NPHP1: variants seen among roughly 807,000 people sequenced by gnomAD.
NPHP1 encodes nephrocystin-1.
A neutral mutation model predicts 90.4 loss-of-function variants in NPHP1; 70 were observed. The ratio of observed to expected loss-of-function variants is 0.77; its 90% CI spans 0.64 to 0.95. The LOEUF (loss-of-function observed/expected upper bound fraction) is 0.95, where lower values mean the gene tolerates loss of function less well. Among genes scored for constraint, NPHP1 ranks in the 40% least tolerant of loss-of-function variants. NPHP1 has a pLI of 0.00. For synonymous variants in NPHP1, 256 were observed against 271.7 expected (o/e 0.94, Z 0.57); for missense variants, 764 against 795.9 (o/e 0.96, Z 0.48).
Position 110,147,907 on chromosome 2 carries a change from C to T in NPHP1, c.1269+9G>A, listed in dbSNP as rs13414551. 3.0e-4 allele frequency: 436 copies of T among 1,437,666 alleles called. 2 individuals are homozygous for T. In the African/African-American group the frequency reaches 3.3e-3, roughly 11 times the overall value. 89.1% of individuals were successfully genotyped at this position (1,437,666 alleles called of 1,614,324 possible). On this transcript the variant is annotated intron_variant, in intron 13 of 19. Coordinates refer to ENST00000445609, the MANE Select transcript of NPHP1 (RefSeq NM_001128178.3). The stretch of plus-strand genomic sequence containing the variant: ...TACATTAGAAAGCCTTATCTTTCAA[C>T]GGACATACATTGCGAATATAAGAAA...
chr2:110,196,374 C>T (rs187599195), intron 2 of NPHP1, among the ~76,000 whole-genome samples: 6,504 of 152,144 alleles, frequency 0.043, 458 homozygotes, highest in African/African-American at 0.15. Context: ...CAAAAGAAGA[C>T]ATTTATGCAG....
chr2:110,181,033 C>T (rs1001041118), intron 2 of NPHP1, among the ~76,000 whole-genome samples: 10 of 152,158 alleles, frequency 6.6e-5, no homozygotes, highest in East Asian at 1.9e-4. Flanking sequence ...AGCATTGTTC[C>T]GTGGGCCCCA....
In NPHP1 at chr2:110,177,890, G is replaced by A. The variant is rs544280423; in HGVS notation, c.329+533C>T. 4.6e-5 allele frequency among the ~76,000 whole-genome samples: 7 copies of A among 152,004 alleles called. No individual in the cohort carries two copies. The South Asian group carries it at 1.5e-3, about 32-fold the overall frequency. ...CCCAAGTAGCTGGGACTACAGGTAC[G>A]TGCCACCAAGCCTGACTAGTTTGGG... On this transcript the variant is annotated intron_variant, in intron 4 of 19. Coordinates refer to ENST00000445609, the MANE Select transcript of NPHP1 (RefSeq NM_001128178.3).
rs1263406223 is a variant in NPHP1 at position 110,131,674 on chromosome 2, C to T, written c.1642+5G>A. On this transcript the variant is annotated splice_donor_5th_base_variant and intron_variant, in intron 17 of 19. Transcript: ENST00000445609. ...GCACATAAGGAAGTGGCAAAGCCCA[C>T]TTACCAGTACTTTGCAAGCTCATCC... The T allele has an allele frequency of 6.3e-7, 1 of 1,581,802 alleles. No individual in the cohort carries two copies. The highest frequency in any genetic ancestry group is 8.7e-7 in the Non-Finnish European group (1 of 1,150,734).
chr2:110,186,282 T>C (rs1164702099), intron 2 of NPHP1, among the ~76,000 whole-genome samples: 1 of 152,190 alleles, frequency 6.6e-6, no homozygotes, highest in African/African-American at 2.4e-5. Flanking sequence ...CAGAGGCCCC[T>C]AAACAAGGAA....
chr2:110,178,005 T>C (rs868505827), intron 4 of NPHP1: 4 of 203,938 alleles, frequency 2.0e-5, no homozygotes, highest in South Asian at 1.7e-4. Flanking sequence ...CCTTCCAAAA[T>C]GCTGGGATTA....
In NPHP1 at chr2:110,204,313, T is replaced by G. The variant is rs535776177; in HGVS notation, c.69+587A>C. 2.0e-5 allele frequency among the ~76,000 whole-genome samples: 3 copies of G among 152,360 alleles called. No individual in the cohort carries two copies. In the East Asian group the frequency reaches 5.8e-4, roughly 29 times the overall value. ...GATACCTTATGTGCTTTGCAATTAC[T>G]TGAGTATCTTTGAAGTTAACATTCC... On this transcript the variant is annotated intron_variant, in intron 1 of 19. Coordinates refer to ENST00000445609, the MANE Select transcript of NPHP1 (RefSeq NM_001128178.3).
At chr2:110,201,518 A>C in intron 1 of NPHP1, 24 bp from the exon 2 acceptor site, 1 of 1,504,114 alleles carries the variant, frequency 6.6e-7, no homozygotes, top group Non-Finnish European at 9.2e-7. Flanking sequence ...TTAAAATATC[A>C]CATTATTAAA....
At chr2:110,174,451 T>C (rs142551033) in intron 4 of NPHP1, among the ~76,000 whole-genome samples, 3 of 152,200 alleles carry the variant, frequency 2.0e-5, no homozygotes, top group African/African-American at 4.8e-5. Flanking sequence ...AATTTAAATA[T>C]CACATTTCAC....
chr2:110,175,394 G>C (rs1046321642), intron 4 of NPHP1, among the ~76,000 whole-genome samples: 2 of 152,110 alleles, frequency 1.3e-5, no homozygotes, highest in Non-Finnish European at 2.9e-5. Flanking sequence ...TTATACTGCA[G>C]ATCAGTTGAC....
chr2:110,134,393 G>A (rs1680011461), intron 16 of NPHP1, among the ~76,000 whole-genome samples: 1 of 151,772 alleles, frequency 6.6e-6, no homozygotes, highest in South Asian at 2.1e-4. Flanking sequence ...GGCTTCACTG[G>A]AGAATTCTAC....
chr2:110,141,953 A>C (rs1213162195), intron 16 of NPHP1, among the ~76,000 whole-genome samples: 5 of 148,734 alleles, frequency 3.4e-5, no homozygotes, highest in Non-Finnish European at 7.4e-5. Context: ...AGCCTGGGGG[A>C]CAGAGCCAGA....
At chr2:110,183,373 A>C (rs1684045855) in intron 2 of NPHP1, among the ~76,000 whole-genome samples, 1 of 152,334 alleles carries the variant, frequency 6.6e-6, no homozygotes, top group Middle Eastern at 3.4e-3. Flanking sequence ...CCTGTTGCAG[A>C]TAACTAGCCA....
At chr2:110,164,666 T>C in intron 8 of NPHP1, 22 bp downstream of exon 8, 1 of 1,613,966 alleles carries the variant, frequency 6.2e-7, no homozygotes, top group Non-Finnish European at 8.5e-7. Context: ...GAGACATGAT[T>C]AACAAGACAG....
At chr2:110,143,278 T>C (rs1189609318) in intron 16 of NPHP1, among the ~76,000 whole-genome samples, 1 of 152,140 alleles carries the variant, frequency 6.6e-6, no homozygotes, top group African/African-American at 2.4e-5. Context: ...GAATCATGCA[T>C]TGGTAAGCCC....
chr2:110,175,946 T>C (rs906733695), intron 4 of NPHP1, among the ~76,000 whole-genome samples: 2 of 152,102 alleles, frequency 1.3e-5, no homozygotes, highest in African/African-American at 4.8e-5. Flanking sequence ...TGTCTTTGGG[T>C]TCACTGATCC....
intron 16 of NPHP1, among the ~76,000 whole-genome samples, chr2:110,140,576 A>T (rs2104468929): frequency 6.6e-6 from 1 of 152,276 alleles, no homozygotes; most frequent in African/African-American, 2.4e-5. Context: ...TAAGAGCTGT[A>T]CTTGAAATAT....
At chr2:110,165,678 GA>G (rs1682678840) in intron 6 of NPHP1, among the ~76,000 whole-genome samples, 1 of 151,458 alleles carries the variant, frequency 6.6e-6, no homozygotes, top group African/African-American at 2.4e-5. Flanking sequence ...ATCCTGAGGG[GA>G]AAAAAAGAAA....
intron 11 of NPHP1, among the ~76,000 whole-genome samples, chr2:110,158,258 G>GA (rs1682053603): frequency 6.6e-6 from 1 of 152,046 alleles, no homozygotes; most frequent in African/African-American, 2.4e-5. Flanking sequence ...GTACTTAAGA[G>GA]AAAGTGTATT....
Sources: gnomAD v4.1 joint callset for allele counts (sites outside exome capture counted in the v4.1 genomes callset) on GRCh38, gnomAD v4.1.1 for gene constraint, MANE v1.5 for transcripts, NCBI Gene and HGNC (gene_info 2026-07-23, HGNC 2026-07-21) for gene names.